Variants in WDR70 observed in about 807,000 individuals in gnomAD.
WDR70 encodes the protein WD repeat domain 70.
WDR70 carries 53 observed loss-of-function variants against 88.6 expected under a neutral mutation model. The observed-to-expected ratio is 0.60, with a 90% CI of 0.48 to 0.75. WDR70 has a LOEUF of 0.75. Ranked by LOEUF, WDR70 falls within the 30% of genes least tolerant of loss-of-function variation. The pLI is 0.00. For synonymous variants in WDR70, 280 were observed against 270.0 expected, an observed-to-expected ratio of 1.04 and a Z score of -0.36; for missense variants, 610 against 823.2, an observed-to-expected ratio of 0.74 and a Z score of 3.17.
At chr5:37,591,071 C>T (rs942263525) in intron 9 of WDR70, among the ~76,000 whole-genome samples, 3 of 152,154 alleles carry the variant, frequency 2.0e-5, no homozygotes, top group Admixed American at 6.5e-5. Flanking sequence ...TGTGATGGCT[C>T]ACCCCTGTAA....
chr5:37,482,430 C>T (rs1739702053), intron 8 of WDR70, among the ~76,000 whole-genome samples: 1 of 152,186 alleles, frequency 6.6e-6, no homozygotes, highest in Non-Finnish European at 1.5e-5. Flanking sequence ...CACATAGCAG[C>T]AGGCAGGAGA....
chr5:37,415,807 CAG>C (rs1189288512), intron 5 of WDR70, among the ~76,000 whole-genome samples: 1 of 147,228 alleles, frequency 6.8e-6, no homozygotes, highest in East Asian at 2.2e-4. Context: ...GGCGGCCGGG[CAG>C]AGACGCTCCT....
intron 5 of WDR70, among the ~76,000 whole-genome samples, chr5:37,397,066 C>T (rs1377673117): frequency 6.6e-6 from 1 of 151,914 alleles, no homozygotes; most frequent in Non-Finnish European, 1.5e-5. Flanking sequence ...AATTTGGGCC[C>T]AGGAGATAGA....
chr5:37,567,628 T>G (rs2112396321), intron 9 of WDR70, among the ~76,000 whole-genome samples: 1 of 152,162 alleles, frequency 6.6e-6, no homozygotes, highest in South Asian at 2.1e-4. Flanking sequence ...GTTTTGAGCA[T>G]GGCTACAGAA....
chr5:37,427,769 C>T (rs1750178724), intron 5 of WDR70, among the ~76,000 whole-genome samples: 1 of 152,140 alleles, frequency 6.6e-6, no homozygotes, highest in Admixed American at 6.5e-5. Flanking sequence ...CGCCTGTAAT[C>T]CCAGCTACTC....
chr5:37,469,004 C>T (rs1739247897), intron 7 of WDR70, among the ~76,000 whole-genome samples: 1 of 152,086 alleles, frequency 6.6e-6, no homozygotes, highest in Admixed American at 6.6e-5. Flanking sequence ...CTGTATAGTC[C>T]TATCCTCACA....
chr5:37,633,136 G>A (rs1477827028), intron 10 of WDR70, among the ~76,000 whole-genome samples: 3 of 152,220 alleles, frequency 2.0e-5, no homozygotes, highest in Admixed American at 1.3e-4. Context: ...TTCACATAAT[G>A]AGGAAATCAT....
intron 10 of WDR70, among the ~76,000 whole-genome samples, chr5:37,686,322 GA>G (rs754985606): frequency 1.1e-4 from 16 of 146,422 alleles, no homozygotes; most frequent in Middle Eastern, 3.5e-3. Flanking sequence ...CTCACAAAGG[GA>G]AAAAAAAAAG....
chr5:37,475,292 ATGGCGCAATC>A (rs1195200162), intron 7 of WDR70, among the ~76,000 whole-genome samples: 4 of 151,434 alleles, frequency 2.6e-5, no homozygotes, highest in Non-Finnish European at 4.4e-5. Flanking sequence ...CTGGAGTGCA[ATGGCGCAATC>A]TGGCTCACCA....
intron 8 of WDR70, chr5:37,505,844 A>G: frequency 1.5e-6 from 2 of 1,363,090 alleles, no homozygotes; most frequent in East Asian, 2.3e-5. Flanking sequence ...CTCTGAGGTT[A>G]CAATTCTTCA....
intron 9 of WDR70, among the ~76,000 whole-genome samples, chr5:37,572,570 C>T (rs1742940034): frequency 6.6e-6 from 1 of 152,102 alleles, no homozygotes; most frequent in South Asian, 2.1e-4. Context: ...CACCAAGCAA[C>T]CTCCTGTCAT....
At chr5:37,392,177 GT>G (rs11335326) in intron 4 of WDR70, 57 bp downstream of exon 4, 269,145 of 1,287,074 alleles carry the variant, frequency 0.21, 5,879 homozygotes, top group African/African-American at 0.43. Flanking sequence ...TGTTTATAGA[GT>G]TTTTTTTTTT....
intron 5 of WDR70, among the ~76,000 whole-genome samples, chr5:37,434,831 C>G (rs1393745993): frequency 6.6e-6 from 1 of 152,158 alleles, no homozygotes; most frequent in Non-Finnish European, 1.5e-5. Flanking sequence ...TAATAAATTA[C>G]TTCATCGAAG....
chr5:37,482,677 A>G (rs1490411106), intron 8 of WDR70, among the ~76,000 whole-genome samples: 1 of 152,228 alleles, frequency 6.6e-6, no homozygotes, highest in East Asian at 1.9e-4. Flanking sequence ...GAGGACAAAC[A>G]TGGAAATTAA....
intron 3 of WDR70, among the ~76,000 whole-genome samples, chr5:37,389,333 A>G (rs1172511542): frequency 6.8e-6 from 1 of 147,366 alleles, no homozygotes; most frequent in Non-Finnish European, 1.5e-5. Flanking sequence ...AGCTCATGCA[A>G]GCCACCCGCC....
intron 17 of WDR70, among the ~76,000 whole-genome samples, chr5:37,735,385 A>G (rs913781150): frequency 5.3e-5 from 8 of 152,132 alleles, no homozygotes; most frequent in Admixed American, 3.9e-4. Flanking sequence ...TCATATCCTC[A>G]CTTTACATGT....
chr5:37,575,476 C>A (rs1311301609), intron 9 of WDR70, among the ~76,000 whole-genome samples: 3 of 152,094 alleles, frequency 2.0e-5, no homozygotes, highest in African/African-American at 7.2e-5. Flanking sequence ...TAAGCTCTAC[C>A]CCCATCCTCC....
intron 17 of WDR70, among the ~76,000 whole-genome samples, chr5:37,748,115 C>T (rs1748687965): frequency 6.6e-6 from 1 of 152,224 alleles, no homozygotes. Context: ...TGTTGACATT[C>T]TTCACAGAAT....
intron 10 of WDR70, among the ~76,000 whole-genome samples, chr5:37,673,852 G>C (rs186097545): frequency 4.3e-4 from 66 of 151,738 alleles, no homozygotes; most frequent in African/African-American, 1.5e-3. Context: ...GCTCCCACTT[G>C]TGAGAACATG....
Sources: gnomAD v4.1 joint callset for allele counts (sites outside exome capture counted in the v4.1 genomes callset) on GRCh38, gnomAD v4.1.1 for gene constraint, MANE v1.5 for transcripts, NCBI Gene and HGNC (gene_info 2026-07-23, HGNC 2026-07-21) for gene names.